The following MAN2A1 variants were observed in gnomAD, a reference collection of about 807,000 sequenced individuals.
MAN2A1 encodes the protein alpha-mannosidase 2.
A neutral mutation model predicts 142.6 loss-of-function variants in MAN2A1; 76 were observed. That is an observed-to-expected ratio of 0.53 (90% CI 0.44 to 0.65). The LOEUF (loss-of-function observed/expected upper bound fraction) is 0.65. MAN2A1 is among the 30% of genes least tolerant of loss of function. MAN2A1 has a pLI of 0.00. For missense variants in MAN2A1, 1,311 were observed against 1,365.1 expected (o/e 0.96, Z 0.62); for synonymous variants, 559 against 473.2 (o/e 1.18, Z -2.35).
At chr5:109,862,622 G>C (rs1403184320) in intron 20 of MAN2A1, 1 of 152,178 alleles carries the variant, frequency 6.6e-6, no homozygotes, top group African/African-American at 2.4e-5. Flanking sequence ...AGCATACAGT[G>C]TGACTGCTTG....
chr5:109,808,458 T>C (rs1315076320), intron 12 of MAN2A1, among the ~76,000 whole-genome samples: 1 of 152,098 alleles, frequency 6.6e-6, no homozygotes, highest in Non-Finnish European at 1.5e-5. Context: ...AATATTCTTT[T>C]GTATTTAATA....
chr5:109,711,598 C>T (rs1416832282), intron 1 of MAN2A1, among the ~76,000 whole-genome samples: 1 of 152,206 alleles, frequency 6.6e-6, no homozygotes, highest in Non-Finnish European at 1.5e-5. Flanking sequence ...GACGATACTA[C>T]TCGACAGCTC....
At chr5:109,706,594 C>G (rs1751140083) in intron 1 of MAN2A1, among the ~76,000 whole-genome samples, 1 of 152,164 alleles carries the variant, frequency 6.6e-6, no homozygotes, top group South Asian at 2.1e-4. Flanking sequence ...AGCCATTAAG[C>G]TGAATTGCTT....
intron 16 of MAN2A1, among the ~76,000 whole-genome samples, chr5:109,834,209 T>G (rs1755003255): frequency 6.6e-6 from 1 of 152,166 alleles, no homozygotes; most frequent in Non-Finnish European, 1.5e-5. Context: ...TCATGATTAG[T>G]TCAGCCAACT....
chr5:109,796,260 C>T (rs1387549906), intron 12 of MAN2A1, among the ~76,000 whole-genome samples: 1 of 152,088 alleles, frequency 6.6e-6, no homozygotes, highest in Non-Finnish European at 1.5e-5. Context: ...TTAGAGAAAC[C>T]TAAGCTTGGA....
At position 109,767,541 on chromosome 5, in the gene MAN2A1, A is replaced by G; in HGVS notation, c.842A>G (p.Lys281Arg). ...TTATCATCTTTATCCACAGGAGTGA[A>G]ACCTCGGTCCGGCTGGGCTATTGAT... is the stretch of plus-strand genomic sequence containing the variant. ...HQWLENNIGVKPRSGWAIDPF... is the reference protein window; with the variant it reads ...HQWLENNIGVRPRSGWAIDPF... Residue 281 changes from lysine to arginine, a missense_variant, in exon 6 of 22, where the codon AAA becomes AGA. This residue lies in a region of MAN2A1 where 409 missense variants were observed against 412.7 expected (regional missense o/e 0.99). Transcript: ENST00000261483. 6.2e-7 allele frequency: 1 copy of G among 1,611,228 alleles called. No homozygotes were observed. Among genetic ancestry groups the G allele is most frequent in the Non-Finnish European group, 8.5e-7 (1 of 1,179,038 alleles).
chr5:109,854,954 ATTTTCTTTTAT>A, intron 19 of MAN2A1, 175 bp from the exon 20 acceptor site: 1 of 413,878 alleles, frequency 2.4e-6, no homozygotes, highest in South Asian at 9.2e-5. Flanking sequence ...TGTGCTGTTT[ATTTTCTTTTAT>A]TGCTTACAAC....
chr5:109,816,849 T>C (rs2112720476), intron 12 of MAN2A1, among the ~76,000 whole-genome samples: 1 of 152,346 alleles, frequency 6.6e-6, no homozygotes, highest in Non-Finnish European at 1.5e-5. Context: ...TAGAAAGGGC[T>C]TCTGAATCAT....
chr5:109,781,704 G>A, intron 9 of MAN2A1, 106 bp downstream of exon 9: 1 of 648,928 alleles, frequency 1.5e-6, no homozygotes, highest in Non-Finnish European at 2.4e-6. Flanking sequence ...ACATTATGTA[G>A]TGTTAAGCTC....
chr5:109,701,250 A>T lies in MAN2A1; in HGVS notation c.135+10698A>T, dbSNP rs958553788. Among the ~76,000 whole-genome samples, 34 of 152,336 alleles carry T rather than the reference A, an allele frequency of 2.2e-4. 1 individual carries two copies. The highest frequency in any genetic ancestry group is 7.7e-4 in the African/African-American group (32 of 41,574). On this transcript the variant is annotated intron_variant, in intron 1 of 21. Transcript: ENST00000261483. ...GCCTGGCTTAAGTTGACTAAAGGAG[A>T]GGGTAAAGAAGCTAAGCTTTCCCTA...
intron 4 of MAN2A1, among the ~76,000 whole-genome samples, chr5:109,742,869 G>A (rs763802980): frequency 6.6e-6 from 1 of 152,184 alleles, no homozygotes; most frequent in Non-Finnish European, 1.5e-5. Context: ...ATTTTAGAAA[G>A]CATATGTTCT....
chr5:109,831,804 CATGTGT>C (rs1337565921), intron 16 of MAN2A1, among the ~76,000 whole-genome samples: 2 of 148,400 alleles, frequency 1.3e-5, no homozygotes, highest in Admixed American at 6.7e-5. Context: ...AAACAAAAAT[CATGTGT>C]GTGTGTGTGT....
At chr5:109,832,161 C>CTTTTTTTTT (rs70999945) in intron 16 of MAN2A1, among the ~76,000 whole-genome samples, 9 of 51,226 alleles carry the variant, frequency 1.8e-4, no homozygotes, top group East Asian at 5.3e-4. Context: ...AAGGAGTTTT[C>CTTTTTTTTT]TTTTTTTTTT....
At chr5:109,757,260 C>T (rs1205601994) in intron 5 of MAN2A1, among the ~76,000 whole-genome samples, 4 of 152,058 alleles carry the variant, frequency 2.6e-5, no homozygotes, top group Non-Finnish European at 5.9e-5. Flanking sequence ...GATATGCTAA[C>T]CCAAGAATAT....
At chr5:109,866,695 A>G in intron 21 of MAN2A1, 151 bp from the exon 22 acceptor site, 3 of 535,202 alleles carry the variant, frequency 5.6e-6, no homozygotes, top group South Asian at 6.3e-5. Context: ...TTAATAACAT[A>G]TATGTATATT....
rs571357948 is a variant in MAN2A1, at chr5:109,785,513, G to A, written c.1760+587G>A. Reference sequence around the variant, plus strand: ...CAAAGCCATCTTTAACTCATTGAAGGGCTCTCAGATGGGCAAGGGAGTAGA... The same window carrying A: ...CAAAGCCATCTTTAACTCATTGAAGAGCTCTCAGATGGGCAAGGGAGTAGA... On this transcript the variant is annotated intron_variant, in intron 10 of 21. Coordinates refer to ENST00000261483, the MANE Select transcript of MAN2A1 (RefSeq NM_002372.4). Among the ~76,000 whole-genome samples, 32 of 152,082 alleles carry A rather than the reference G, an allele frequency of 2.1e-4. No homozygotes were observed. In the Middle Eastern group the frequency reaches 0.01, roughly 48 times the overall value.
chr5:109,821,458 C>A (rs960400791), intron 15 of MAN2A1, among the ~76,000 whole-genome samples: 1 of 152,048 alleles, frequency 6.6e-6, no homozygotes, highest in African/African-American at 2.4e-5. Flanking sequence ...CATTTTGTAT[C>A]AGTGTCTGAA....
chr5:109,837,763 A>G (rs1393575704), intron 16 of MAN2A1, among the ~76,000 whole-genome samples: 1 of 152,202 alleles, frequency 6.6e-6, no homozygotes, highest in African/African-American at 2.4e-5. Context: ...TAAATAAGAC[A>G]TGGTCTCTAG....
intron 15 of MAN2A1, among the ~76,000 whole-genome samples, chr5:109,822,377 T>A (rs1234158480): frequency 1.3e-5 from 2 of 152,108 alleles, no homozygotes; most frequent in East Asian, 1.9e-4. Flanking sequence ...TAGATACCAA[T>A]AACTAATTTA....
Sources: allele counts gnomAD v4.1 joint callset (sites outside exome capture counted in the v4.1 genomes callset), GRCh38; gene constraint gnomAD v4.1.1; regional missense constraint gnomAD v4.1.1; transcripts MANE v1.5; gene names NCBI Gene and HGNC (gene_info 2026-07-23, HGNC 2026-07-21).